DLGAP2: variants seen among roughly 807,000 people sequenced by gnomAD.
The protein encoded by DLGAP2 is DLG associated protein 2, also known as disks large-associated protein 2.
A neutral mutation model predicts 100.3 loss-of-function variants in DLGAP2; 26 were observed. The ratio of observed to expected loss-of-function variants is 0.26; its 90% CI spans 0.19 to 0.36. DLGAP2 has a LOEUF of 0.36. Among genes scored for constraint, DLGAP2 ranks in the 10% least tolerant of loss-of-function variants. DLGAP2 has a pLI of 1.00. For missense variants in DLGAP2, 1,858 were observed against 1,453.2 expected, an observed-to-expected ratio of 1.28 and a Z score of -4.53; for synonymous variants, 886 against 630.1, an observed-to-expected ratio of 1.41 and a Z score of -6.08.
chr8:1,608,830 A>C (rs991000865), intron 6 of DLGAP2, among the ~76,000 whole-genome samples: 2 of 150,764 alleles, frequency 1.3e-5, no homozygotes, highest in Admixed American at 1.3e-4. Flanking sequence ...CGAGAAGGGA[A>C]GGTTAGAGAA....
chr8:1,053,749 G>A (rs1563166908), intron 2 of DLGAP2, among the ~76,000 whole-genome samples: 1 of 152,148 alleles, frequency 6.6e-6, no homozygotes, highest in Non-Finnish European at 1.5e-5. Flanking sequence ...AACTGTGGCA[G>A]GTTAGCAAGC....
chr8:1,164,014 G>C (rs1299499057), intron 2 of DLGAP2, among the ~76,000 whole-genome samples: 2 of 152,194 alleles, frequency 1.3e-5, no homozygotes, highest in Admixed American at 6.5e-5. Context: ...TTTCTTAGAC[G>C]AGACGCTTTC....
intron 3 of DLGAP2, among the ~76,000 whole-genome samples, chr8:1,409,094 T>G (rs566419569): frequency 9.9e-5 from 15 of 151,838 alleles, no homozygotes; most frequent in African/African-American, 3.6e-4. Flanking sequence ...CGGCTCCCCT[T>G]GGACCACTGC....
chr8:1,639,479 G>C (rs1218356259), intron 8 of DLGAP2, among the ~76,000 whole-genome samples: 1 of 152,222 alleles, frequency 6.6e-6, no homozygotes, highest in Non-Finnish European at 1.5e-5. Flanking sequence ...CCGACCCAGG[G>C]TAAGCCCAGG....
chr8:819,962 G>C (rs752106383), intron 1 of DLGAP2, among the ~76,000 whole-genome samples: 2 of 152,224 alleles, frequency 1.3e-5, no homozygotes, highest in South Asian at 4.1e-4. Flanking sequence ...TAACCTATAA[G>C]AACAAATTCA....
chr8:1,613,599 G>A (rs1005243005), intron 6 of DLGAP2, among the ~76,000 whole-genome samples: 4 of 151,712 alleles, frequency 2.6e-5, no homozygotes, highest in African/African-American at 7.3e-5. Flanking sequence ...TATGCACTGC[G>A]CACCCAGCTC....
chr8:1,468,087 C>T (rs1209167621), intron 3 of DLGAP2, among the ~76,000 whole-genome samples: 1 of 152,244 alleles, frequency 6.6e-6, no homozygotes, highest in African/African-American at 2.4e-5. Context: ...TTTCAGAAAT[C>T]ACTTGCCAAA....
chr8:1,122,681 G>A (rs1049858528), intron 2 of DLGAP2, among the ~76,000 whole-genome samples: 1 of 151,784 alleles, frequency 6.6e-6, no homozygotes, highest in Non-Finnish European at 1.5e-5. Context: ...TTATTTTTTA[G>A]TTGATAAAGT....
At chr8:1,179,439 C>CTT (rs879360000) in intron 2 of DLGAP2, among the ~76,000 whole-genome samples, 10,938 of 152,308 alleles carry the variant, frequency 0.072, 528 homozygotes, top group Middle Eastern at 0.18. Flanking sequence ...GGCTCAGCTC[C>CTT]CTGCTGTCCA....
intron 2 of DLGAP2, among the ~76,000 whole-genome samples, chr8:1,058,785 C>T (rs1398270982): frequency 6.6e-6 from 1 of 152,156 alleles, no homozygotes; most frequent in African/African-American, 2.4e-5. Context: ...ATATTTGAGG[C>T]CCACCCCAGA....
chr8:1,188,753 C>T (rs1197748375), intron 2 of DLGAP2, among the ~76,000 whole-genome samples: 1 of 152,232 alleles, frequency 6.6e-6, no homozygotes, highest in Non-Finnish European at 1.5e-5. Context: ...ATGTCAGCGT[C>T]TGGAAAGACA....
chr8:1,620,107 C>A (rs1045353343), intron 6 of DLGAP2, among the ~76,000 whole-genome samples: 35 of 152,196 alleles, frequency 2.3e-4, no homozygotes, highest in African/African-American at 8.0e-4. Flanking sequence ...CTGTTCCTGA[C>A]AAGTTGTTCA....
At position 1,691,610 on chromosome 8, in the gene DLGAP2, T is replaced by C. The variant is rs1339070142; in HGVS notation, c.2780T>C (p.Leu927Pro). 1 of 1,613,968 alleles carries C rather than the reference T, an allele frequency of 6.2e-7. No homozygotes were observed. The highest frequency in any genetic ancestry group is 1.7e-5 in the Admixed American group (1 of 60,012). Residue 927 changes from leucine (L) to proline (P), a missense_variant, in exon 13 of 15, where the codon CTT becomes CCT. Coordinates refer to ENST00000637795, the MANE Select transcript of DLGAP2 (RefSeq NM_001346810.2). ...MSQKFQQFYW[L>P]CQQNMDPSAM... ...CAGAAATTCCAGCAGTTTTATTGGC[T>C]TTGCCAACAGAATATGGTAAGTGAA...
chr8:1,146,564 C>T (rs1190122610), intron 2 of DLGAP2, among the ~76,000 whole-genome samples: 6 of 149,988 alleles, frequency 4.0e-5, no homozygotes, highest in Non-Finnish European at 7.4e-5. Flanking sequence ...TGTGTGTGTG[C>T]ACATGTGTGT....
intron 1 of DLGAP2, among the ~76,000 whole-genome samples, chr8:770,405 C>T (rs1189767906): frequency 6.6e-6 from 1 of 152,190 alleles, no homozygotes; most frequent in Non-Finnish European, 1.5e-5. Context: ...TTGTCTGTGA[C>T]TTAAGACTTT....
intron 3 of DLGAP2, among the ~76,000 whole-genome samples, chr8:1,315,563 T>C (rs1371040718): frequency 6.8e-5 from 10 of 146,982 alleles, no homozygotes; most frequent in Non-Finnish European, 1.4e-4. Context: ...CGTTTAAAAA[T>C]AGAGCCTGTA....
At chr8:906,601 A>G (rs143903209) in intron 1 of DLGAP2, among the ~76,000 whole-genome samples, 1 of 152,186 alleles carries the variant, frequency 6.6e-6, no homozygotes, top group Non-Finnish European at 1.5e-5. Context: ...ACAGTGTCAG[A>G]TACGACCCTA....
chr8:946,550 ACC>A (rs1269169187), intron 2 of DLGAP2, among the ~76,000 whole-genome samples: 3 of 152,180 alleles, frequency 2.0e-5, no homozygotes, highest in Non-Finnish European at 4.4e-5. Flanking sequence ...GGCGTGAGCC[ACC>A]GCGCCCGGCC....
intron 3 of DLGAP2, among the ~76,000 whole-genome samples, chr8:1,289,157 T>A (rs1800003989): frequency 6.6e-6 from 1 of 152,170 alleles, no homozygotes; most frequent in Admixed American, 6.5e-5. Flanking sequence ...AAAGCCAATG[T>A]CTGCATTTAG....
Sources: gnomAD v4.1 joint callset for allele counts (sites outside exome capture counted in the v4.1 genomes callset) on GRCh38, gnomAD v4.1.1 for gene constraint, MANE v1.5 for transcripts, NCBI Gene and HGNC (gene_info 2026-07-23, HGNC 2026-07-21) for gene names.